Variants in ZNF813 observed in about 807,000 individuals in gnomAD.
The protein encoded by ZNF813 is zinc finger protein 813.
In ZNF813, 3 loss-of-function variants were observed where a neutral mutation model predicts 7.2. The observed-to-expected ratio is 0.42, with a 90% CI of 0.19 to 1.08. The LOEUF (loss-of-function observed/expected upper bound fraction) is 1.08, where lower values mean the gene tolerates loss of function less well. Ranked by LOEUF, ZNF813 falls within the 50% of genes least tolerant of loss-of-function variation. The pLI, the probability that ZNF813 is intolerant of heterozygous loss-of-function variation, is 0.30. For missense variants in ZNF813, 714 were observed against 753.3 expected (o/e 0.95, Z 0.61); for synonymous variants, 227 against 256.3 (o/e 0.89, Z 1.09).
chr19:53,485,286 C>A (rs2086426760), intron 2 of ZNF813, among the ~76,000 whole-genome samples: 1 of 152,154 alleles, frequency 6.6e-6, no homozygotes, highest in South Asian at 2.1e-4. Context: ...CTGCCCCCAA[C>A]TGCCAATGTG....
At chr19:53,476,438 G>A (rs1393196456) in intron 1 of ZNF813, among the ~76,000 whole-genome samples, 3 of 151,918 alleles carry the variant, frequency 2.0e-5, no homozygotes, top group Admixed American at 1.3e-4. Flanking sequence ...AGACCAGACC[G>A]GCCAAGATGG....
chr19:53,491,548 A>C lies in ZNF813; in HGVS notation c.1316A>C (p.Tyr439Ser). The C allele has an allele frequency of 6.2e-7, 1 of 1,613,592 alleles. No homozygotes were observed. Among genetic ancestry groups the C allele is most frequent in the Non-Finnish European group, 8.5e-7 (1 of 1,179,784 alleles). The change falls in exon 4 of 4, where the codon TAC becomes TCC. Residue 439 changes from tyrosine to serine, a missense_variant. Coordinates refer to ENST00000396403, the MANE Select transcript of ZNF813 (RefSeq NM_001004301.4). ...AGACTTCATAGTGGAGAGAAACCCT[A>C]CAAGTGTACTGAGTGTGTCAAGACG... ...HHRLHSGEKP[Y>S]KCTECVKTFS...
At chr19:53,487,126 T>C (rs2086438441) in intron 3 of ZNF813, among the ~76,000 whole-genome samples, 1 of 152,062 alleles carries the variant, frequency 6.6e-6, no homozygotes, top group African/African-American at 2.4e-5. Context: ...TATTGGCTTT[T>C]ACTTTTAAAA....
Position 53,491,794 on chromosome 19 carries a change from A to G in ZNF813, c.1562A>G (p.Lys521Arg), listed in dbSNP as rs1252432563. The G allele has an allele frequency of 5.0e-6, 8 of 1,613,868 alleles. No individual in the cohort carries two copies. Among genetic ancestry groups the G allele is most frequent in the Non-Finnish European group, 6.8e-6 (8 of 1,179,868 alleles). Residue 521 changes from lysine to arginine, a missense_variant, in exon 4 of 4, where the codon AAA becomes AGA. Physicochemically the swap from Lys to Arg is conservative, Grantham distance 26. This residue lies in a region of ZNF813 where 122 missense variants were observed against 146.8 expected (regional missense o/e 0.83). Transcript: ENST00000396403. Reference sequence around the variant, plus strand: ...CATCATAGACTTCATACTGGAGAGAAACCTTACAAGTGTAATGAATGTGGC... The same window carrying G: ...CATCATAGACTTCATACTGGAGAGAGACCTTACAAGTGTAATGAATGTGGC... Reference protein sequence around the residue: ...ACHHRLHTGEKPYKCNECGKV... With the variant: ...ACHHRLHTGERPYKCNECGKV...
intron 1 of ZNF813, among the ~76,000 whole-genome samples, chr19:53,481,363 T>TTTTTTTTTTTTG (rs56277529): frequency 8.6e-6 from 1 of 116,206 alleles, no homozygotes; most frequent in Non-Finnish European, 1.8e-5. Flanking sequence ...TTTTTTTTTT[T>TTTTTTTTTTTTG]GAGATGGAGT....
chr19:53,493,772 A>ATTC lies in ZNF813; in HGVS notation c.*1687_*1688insTCT, dbSNP rs1419724352. 5.9e-5 allele frequency: 9 copies of ATTC among 152,172 alleles called. No homozygotes were observed. In the East Asian group the frequency reaches 1.5e-3, roughly 26 times the overall value. The allele number at this position is 152,172 out of a possible 1,614,324, so 9.4% of individuals were successfully genotyped here. A position where few individuals can be genotyped will look rare whatever the true frequency, so the allele number is the denominator to read the frequency against. ...TTTTACTTCTTTCTTTCTGATTTGG[A>ATTC]TGGGTTTGATTTCTTTTGCTATTTC... On this transcript the variant is annotated 3_prime_UTR_variant, in exon 4 of 4. Coordinates refer to ENST00000396403, the MANE Select transcript of ZNF813 (RefSeq NM_001004301.4).
chr19:53,482,196 A>G (rs1030807171), intron 1 of ZNF813, among the ~76,000 whole-genome samples: 1 of 152,202 alleles, frequency 6.6e-6, no homozygotes, highest in African/African-American at 2.4e-5. Flanking sequence ...AAAAATAAAA[A>G]AGAATAAAAA....
chr19:53,486,882 C>A (rs1267549303), intron 3 of ZNF813, 124 bp downstream of exon 3: 15 of 1,522,464 alleles, frequency 9.9e-6, no homozygotes, highest in Non-Finnish European at 1.3e-5. Flanking sequence ...GATCATGGCT[C>A]ACTGCGATCT....
rs2086484646 is a variant in ZNF813, at chr19:53,495,800, A to G, written c.*3714A>G. The G allele has an allele frequency of 6.8e-6, 1 of 146,126 alleles. No homozygotes were observed. Among genetic ancestry groups the G allele is most frequent in the East Asian group, 1.9e-4 (1 of 5,246 alleles). 9.1% of individuals were successfully genotyped at this position (146,126 alleles called of 1,614,324 possible). A position where few individuals can be genotyped will look rare whatever the true frequency, so the allele number is the denominator to read the frequency against. ...AGAGCAAAACTTTGTCTCAAAAAAA[A>G]ATAAATAAATAAAAAATAAAATATG... is the stretch of plus-strand genomic sequence containing the variant. On this transcript the variant is annotated 3_prime_UTR_variant, in exon 4 of 4. Coordinates refer to ENST00000396403, the MANE Select transcript of ZNF813 (RefSeq NM_001004301.4).
In ZNF813 at chr19:53,491,483, C is replaced by G; in HGVS notation, c.1251C>G (p.Gly417=). 6.2e-7 allele frequency: 1 copy of G among 1,614,092 alleles called. No homozygotes were observed. Among genetic ancestry groups the G allele is most frequent in the Non-Finnish European group, 8.5e-7 (1 of 1,179,984 alleles). ...GEKPYKCNEC[G]KVFNKKANLA... is the part of the protein sequence containing the mutation. ...AGCCTTACAAGTGTAATGAATGTGGCAAGGTTTTTAATAAAAAGGCAAACC... is the reference window on the plus strand; with the variant it reads ...AGCCTTACAAGTGTAATGAATGTGGGAAGGTTTTTAATAAAAAGGCAAACC... Residue 417 remains glycine, a synonymous_variant, in exon 4 of 4, where the codon GGC becomes GGG. Coordinates refer to ENST00000396403, the MANE Select transcript of ZNF813 (RefSeq NM_001004301.4).
chr19:53,490,197 T>C (rs561372011), intron 3 of ZNF813, among the ~76,000 whole-genome samples, 178 bp from the exon 4 acceptor site: 10 of 152,338 alleles, frequency 6.6e-5, no homozygotes, highest in African/African-American at 2.2e-4. Context: ...TAGAGATGAT[T>C]TGAAGCACAT....
chr19:53,496,026 C>A lies in ZNF813; in HGVS notation c.*3940C>A. On this transcript the variant is annotated 3_prime_UTR_variant, in exon 4 of 4. Transcript: ENST00000396403. ...AAGGAGACATTGGAGAAGAACGAAG[C>A]GGGGTCTATAAGGAATTGCACGTGA... The A allele has an allele frequency of 2.9e-6, 1 of 346,310 alleles. No individual in the cohort carries two copies. Among genetic ancestry groups the A allele is most frequent in the African/African-American group, 2.1e-5 (1 of 47,410 alleles). The allele number at this position is 346,310 out of a possible 1,614,324, so 21.5% of individuals were successfully genotyped here. A position where few individuals can be genotyped will look rare whatever the true frequency, so the allele number is the denominator to read the frequency against.
chr19:53,474,668 G>A (rs1387368024), intron 1 of ZNF813, among the ~76,000 whole-genome samples: 6 of 151,444 alleles, frequency 4.0e-5, no homozygotes, highest in East Asian at 1.9e-4. Context: ...CAGCCTGGGT[G>A]ACAGAGCGAG....
chr19:53,482,805 A>G lies in ZNF813; in HGVS notation c.-73-945A>G, dbSNP rs1284756011. On this transcript the variant is annotated intron_variant, in intron 1 of 3. Transcript: ENST00000396403. ...AGTCTTGTGATCTTGGCTCACTGCAACCTCTGTTTCCTGGGTTCAAGTGAT... is the reference window on the plus strand; with the variant it reads ...AGTCTTGTGATCTTGGCTCACTGCAGCCTCTGTTTCCTGGGTTCAAGTGAT... Among the ~76,000 whole-genome samples the G allele has an allele frequency of 2.1e-5, 3 of 143,168 alleles. No homozygotes were observed. The Admixed American group carries it at 2.2e-4, about 10-fold the overall frequency. 93.9% of individuals were successfully genotyped at this position (143,168 alleles called of 152,430 possible). A position where few individuals can be genotyped will look rare whatever the true frequency, so the allele number is the denominator to read the frequency against.
At chr19:53,469,849 G>A (rs71363343) in intron 1 of ZNF813, among the ~76,000 whole-genome samples, 6,140 of 151,482 alleles carry the variant, frequency 0.041, 115 homozygotes, top group African/African-American at 0.069. Flanking sequence ...AGCAGAGGAG[G>A]CGCAGAGATG....
At position 53,491,211 on chromosome 19, in the gene ZNF813, T is replaced by C. The variant is rs1044397773; in HGVS notation, c.979T>C (p.Tyr327His). 1.9e-5 allele frequency: 30 copies of C among 1,613,776 alleles called. No homozygotes were observed. The highest frequency in any genetic ancestry group is 2.4e-5 in the Non-Finnish European group (28 of 1,179,804). ...HRRIHAGEKP[Y>H]KCNECGKTFS... ...GAGAATTCATGCTGGAGAAAAACCA[T>C]ACAAGTGTAATGAATGTGGCAAGAC... Residue 327 changes from tyrosine (Y) to histidine (H), a missense_variant, in exon 4 of 4, where the codon TAC becomes CAC. Tyr to His is a moderately conservative substitution (Grantham distance 83, BLOSUM62 2). Around this residue, in one of 3 missense-constraint regions of ZNF813, gnomAD observed 563 missense variants for 554.2 expected, o/e 1.02. Transcript: ENST00000396403.
intron 1 of ZNF813, among the ~76,000 whole-genome samples, chr19:53,475,463 G>A (rs1300147855): frequency 6.6e-6 from 1 of 152,292 alleles, no homozygotes; most frequent in Admixed American, 6.5e-5. Flanking sequence ...CAGTTATGGA[G>A]AGGAGCTGCC....
chr19:53,479,328 G>A, intron 1 of ZNF813: 2 of 1,589,022 alleles, frequency 1.3e-6, no homozygotes, highest in Non-Finnish European at 1.7e-6. Context: ...ACCGGAGTGT[G>A]AGCAGTAGCT....
chr19:53,476,933 A>G (rs1232935757), intron 1 of ZNF813, among the ~76,000 whole-genome samples: 1 of 152,118 alleles, frequency 6.6e-6, no homozygotes, highest in Admixed American at 6.5e-5. Context: ...AAGTGCTGGG[A>G]TTACAGGCAT....
Sources: allele counts gnomAD v4.1 joint callset (sites outside exome capture counted in the v4.1 genomes callset), GRCh38; gene constraint gnomAD v4.1.1; regional missense constraint gnomAD v4.1.1; transcripts MANE v1.5; gene names NCBI Gene and HGNC (gene_info 2026-07-23, HGNC 2026-07-21).